The following RBFOX1 variants were observed in gnomAD, a reference collection of about 807,000 sequenced individuals.
The protein encoded by RBFOX1 is RNA binding fox-1 homolog 1.
A neutral mutation model predicts 57.7 loss-of-function variants in RBFOX1; 8 were observed. The ratio of observed to expected loss-of-function variants is 0.14; its 90% CI spans 0.08 to 0.25. RBFOX1 has a LOEUF of 0.25. RBFOX1 is among the 10% of genes least tolerant of loss of function. The probability of loss-of-function intolerance (pLI) is 1.00; values close to 1 mark genes in which losing one functional copy is unlikely to be tolerated. For synonymous variants in RBFOX1, 326 were observed against 222.4 expected (o/e 1.47, Z -4.15); for missense variants, 611 against 548.5 (o/e 1.11, Z -1.14).
At chr16:7,305,482 T>C (rs2096158421) in intron 4 of RBFOX1, among the ~76,000 whole-genome samples, 1 of 152,178 alleles carries the variant, frequency 6.6e-6, no homozygotes, top group African/African-American at 2.4e-5. Context: ...CTCCATCCTA[T>C]TCTATGAAGG....
At chr16:5,483,574 A>G (rs1389118193) in intron 2 of RBFOX1, among the ~76,000 whole-genome samples, 4 of 152,198 alleles carry the variant, frequency 2.6e-5, no homozygotes, top group African/African-American at 4.8e-5. Context: ...CAGGCTCTGC[A>G]TTTTGAAGTG....
intron 4 of RBFOX1, among the ~76,000 whole-genome samples, chr16:7,291,919 A>G (rs1377692543): frequency 1.1e-5 from 1 of 87,672 alleles, no homozygotes; most frequent in Admixed American, 1.1e-4. Context: ...TATATATAAT[A>G]TATAATGTAT....
At chr16:6,018,337 TC>T, upstream of RBFOX1, among the ~76,000 whole-genome samples, 1 of 152,268 alleles carries the variant, frequency 6.6e-6, no homozygotes, top group Middle Eastern at 3.4e-3. Context: ...TGGATAAACC[TC>T]CAGTATCTAC....
At position 6,859,185 on chromosome 16, in the gene RBFOX1, GTATA is replaced by G. The variant is rs58752352; in HGVS notation, c.-15-192864_-15-192861del. Among the ~76,000 whole-genome samples the G allele has an allele frequency of 9.6e-3, 419 of 43,824 alleles. 18 individuals are homozygous for G. The highest frequency in any genetic ancestry group is 0.037 in the African/African-American group (402 of 10,820). The allele number at this position is 43,824 out of a possible 152,430, so 28.8% of individuals were successfully genotyped here. ...TATACGTATATATATGTATATATAT[GTATA>G]TATATATGTATATATATATATACAA... is the stretch of plus-strand genomic sequence containing the variant. On this transcript the variant is annotated intron_variant, in intron 3 of 15. Coordinates refer to ENST00000550418, the MANE Select transcript of RBFOX1 (RefSeq NM_018723.4).
rs369077427 is a variant in RBFOX1 at position 6,598,820 on chromosome 16, C to T, written c.-63-55783C>T. Among the ~76,000 whole-genome samples the T allele has an allele frequency of 4.0e-5, 6 of 151,634 alleles. No homozygotes were observed. In the East Asian group the frequency reaches 5.8e-4, roughly 15 times the overall value. On this transcript the variant is annotated intron_variant, in intron 2 of 15. Transcript: ENST00000550418. ...AATTAGCTGGGCATGGTGGCATGCA[C>T]CTGTAGTCCCAGCTACTCGGGAGGC...
intron 2 of RBFOX1, among the ~76,000 whole-genome samples, chr16:6,626,870 T>A (rs1281922256): frequency 6.6e-6 from 1 of 152,242 alleles, no homozygotes; most frequent in Admixed American, 6.5e-5. Context: ...AGCACTTTAG[T>A]CATAGTTATT....
intron 3 of RBFOX1, among the ~76,000 whole-genome samples, chr16:5,714,355 A>G (rs759249505): frequency 2.0e-5 from 3 of 152,180 alleles, no homozygotes; most frequent in Non-Finnish European, 2.9e-5. Context: ...AACTGCTCCC[A>G]TCATGATGAG....
chr16:7,159,963 C>T (rs536584127), intron 4 of RBFOX1, among the ~76,000 whole-genome samples: 1 of 152,138 alleles, frequency 6.6e-6, no homozygotes, highest in Admixed American at 6.5e-5. Flanking sequence ...AGAATTCCTT[C>T]CTTGAGGGGG....
At chr16:5,357,954 G>A (rs938659118) in intron 1 of RBFOX1, among the ~76,000 whole-genome samples, 3 of 152,180 alleles carry the variant, frequency 2.0e-5, no homozygotes, top group African/African-American at 7.2e-5. Flanking sequence ...AAAAATTGCT[G>A]GGGGACTTTA....
intron 3 of RBFOX1, among the ~76,000 whole-genome samples, chr16:6,783,079 A>C (rs879375372): frequency 6.6e-6 from 1 of 151,730 alleles, no homozygotes; most frequent in African/African-American, 2.4e-5. Flanking sequence ...TTTCATTTGC[A>C]TGGCATATCT....
chr16:7,333,630 A>G (rs1190024830), intron 4 of RBFOX1, among the ~76,000 whole-genome samples: 1 of 152,232 alleles, frequency 6.6e-6, no homozygotes, highest in Non-Finnish European at 1.5e-5. Flanking sequence ...CTCAGAGATT[A>G]TTCTAGGAAT....
chr16:7,246,690 C>G (rs768664669), intron 4 of RBFOX1, among the ~76,000 whole-genome samples: 5 of 142,242 alleles, frequency 3.5e-5, no homozygotes, highest in Admixed American at 7.4e-5. Context: ...CTTCCCTTTC[C>G]TCCTTGGTAA....
intron 3 of RBFOX1, chr16:6,704,290 A>G (rs991402867): frequency 6.6e-6 from 1 of 152,216 alleles, no homozygotes; most frequent in Non-Finnish European, 1.5e-5. Context: ...GAGATATGCA[A>G]TGCTACCTCT....
At chr16:6,315,026 C>T (rs4786859) in intron 1 of RBFOX1, among the ~76,000 whole-genome samples, 29,636 of 152,228 alleles carry the variant, frequency 0.19, 3,533 homozygotes, top group Non-Finnish European at 0.26. Flanking sequence ...ACCAAGGGGA[C>T]AGTTCCTGAC....
At chr16:5,303,612 C>T (rs11076905) in intron 1 of RBFOX1, among the ~76,000 whole-genome samples, 83,116 of 151,908 alleles carry the variant, frequency 0.55, 26,331 homozygotes, top group South Asian at 0.73. Flanking sequence ...TTCCAAACAG[C>T]GCTTGGGTCC....
chr16:7,609,470 A>G (rs2057002616), intron 10 of RBFOX1, among the ~76,000 whole-genome samples: 1 of 152,218 alleles, frequency 6.6e-6, no homozygotes, highest in African/African-American at 2.4e-5. Context: ...GAATAAATTC[A>G]TCTGCATGAC....
chr16:5,918,493 G>A (rs61661446), intron 4 of RBFOX1, among the ~76,000 whole-genome samples: 9,646 of 152,234 alleles, frequency 0.063, 399 homozygotes, highest in African/African-American at 0.11. Context: ...GTTCCGTATC[G>A]TAAGTCACCA....
chr16:7,580,496 G>T (rs934408692), intron 6 of RBFOX1, among the ~76,000 whole-genome samples: 1 of 152,046 alleles, frequency 6.6e-6, no homozygotes, highest in Non-Finnish European at 1.5e-5. Flanking sequence ...GTTGATTCCT[G>T]AAGTCTACGT....
At chr16:5,470,914 C>T (rs558527136) in intron 2 of RBFOX1, among the ~76,000 whole-genome samples, 3 of 152,202 alleles carry the variant, frequency 2.0e-5, no homozygotes, top group South Asian at 4.2e-4. Flanking sequence ...TACAGTGGTG[C>T]GATCTCAGCT....
Sources: gnomAD v4.1 joint callset for allele counts (sites outside exome capture counted in the v4.1 genomes callset) on GRCh38, gnomAD v4.1.1 for gene constraint, MANE v1.5 for transcripts, NCBI Gene and HGNC (gene_info 2026-07-23, HGNC 2026-07-21) for gene names.